The following PRIM2 variants were observed in gnomAD, a reference collection of about 807,000 sequenced individuals.
The protein encoded by PRIM2 is DNA primase subunit 2.
PRIM2 carries 39 observed loss-of-function variants against 67.3 expected under a neutral mutation model. That is an observed-to-expected ratio of 0.58 (90% confidence interval 0.45 to 0.76). PRIM2 has a LOEUF of 0.76. Among genes scored for constraint, PRIM2 ranks in the 30% least tolerant of loss-of-function variants. The pLI is 0.00. For missense variants in PRIM2, 398 were observed against 598.7 expected, an observed-to-expected ratio of 0.66 and a Z score of 3.50; for synonymous variants, 143 against 198.7, an observed-to-expected ratio of 0.72 and a Z score of 2.36.
chr6:57,323,748 A>G (rs1767739662), intron 3 of PRIM2, among the ~76,000 whole-genome samples: 4 of 151,874 alleles, frequency 2.6e-5, no homozygotes, highest in Admixed American at 2.6e-4. Context: ...AAACCTGCAC[A>G]TTCTGCACAT....
chr6:57,630,390 A>T (rs1258776723), intron 12 of PRIM2, among the ~76,000 whole-genome samples: 2 of 152,002 alleles, frequency 1.3e-5, no homozygotes, highest in East Asian at 3.8e-4. Flanking sequence ...TTTAAATTTA[A>T]TTTTTTTATG....
chr6:57,559,691 C>T, intron 10 of PRIM2, among the ~76,000 whole-genome samples: 1 of 152,062 alleles, frequency 6.6e-6, no homozygotes, highest in Non-Finnish European at 1.5e-5. Flanking sequence ...CAGACCACCA[C>T]AATAAAATTT....
At position 57,325,978 on chromosome 6, in the gene PRIM2, G is replaced by T. The variant is rs747224268; in HGVS notation, c.392G>T (p.Arg131Ile). Reference sequence around the variant, plus strand: ...CAAGAAATGGATCTCCTTCGATTTAGATTTAGTATTTTACCCAAGGATAAA... The same window carrying T: ...CAAGAAATGGATCTCCTTCGATTTATATTTAGTATTTTACCCAAGGATAAA... ...IQQEMDLLRF[R>I]FSILPKDKIQ... is the part of the protein sequence containing the mutation. The change falls in exon 5 of 14, where the codon AGA becomes ATA. Residue 131 changes from arginine (R) to isoleucine (I), a missense_variant. Coordinates refer to ENST00000615550, the MANE Select transcript of PRIM2 (RefSeq NM_000947.5). 1 of 1,612,316 alleles carries T rather than the reference G, an allele frequency of 6.2e-7. No individual in the cohort carries two copies. The highest frequency in any genetic ancestry group is 2.2e-5 in the East Asian group (1 of 44,758).
At chr6:57,332,955 AC>A (rs1316092199) in intron 5 of PRIM2, among the ~76,000 whole-genome samples, 7 of 151,846 alleles carry the variant, frequency 4.6e-5, no homozygotes, top group African/African-American at 1.7e-4. Flanking sequence ...TTTCTCCATT[AC>A]TGCCTTCTTT....
At chr6:57,438,441 G>A (rs1317249818) in intron 7 of PRIM2, among the ~76,000 whole-genome samples, 1 of 152,168 alleles carries the variant, frequency 6.6e-6, no homozygotes, top group African/African-American at 2.4e-5. Flanking sequence ...TCAATAAAGA[G>A]CTGATGGCTT....
intron 7 of PRIM2, among the ~76,000 whole-genome samples, chr6:57,400,849 A>T (rs1770682870): frequency 6.6e-6 from 1 of 152,194 alleles, no homozygotes; most frequent in Admixed American, 6.5e-5. Flanking sequence ...GTCTTATTTC[A>T]GAGAGCCAGT....
rs542471492 is a variant in PRIM2 at position 57,391,589 on chromosome 6, C to G, written c.693+9421C>G. 1.3e-3 allele frequency among the ~76,000 whole-genome samples: 190 copies of G among 151,456 alleles called. 5 individuals carry two copies. The East Asian group carries it at 0.016, about 13-fold the overall frequency. ...CTTCAATCTTCTGCATATGGCTAGC[C>G]AGTTATCCAGCACCATTTATTGAAT... On this transcript the variant is annotated intron_variant, in intron 7 of 13. Coordinates refer to ENST00000615550, the MANE Select transcript of PRIM2 (RefSeq NM_000947.5).
At chr6:57,277,106 C>A in the PRIM2 span, among the ~76,000 whole-genome samples, 2 of 152,082 alleles carry the variant, frequency 1.3e-5, no homozygotes, top group African/African-American at 2.4e-5. Context: ...AAGTTACCAT[C>A]AGAGAGACTC....
At chr6:57,226,023 G>A in the PRIM2 span, among the ~76,000 whole-genome samples, 1 of 152,028 alleles carries the variant, frequency 6.6e-6, no homozygotes, top group African/African-American at 2.4e-5. Flanking sequence ...ATAGTAAGGA[G>A]TTACCCACCT....
At chr6:57,434,776 T>C (rs1275976203) in intron 7 of PRIM2, among the ~76,000 whole-genome samples, 1 of 151,852 alleles carries the variant, frequency 6.6e-6, no homozygotes, top group Non-Finnish European at 1.5e-5. Flanking sequence ...CTCTCTTTTT[T>C]ACTTTTCTTT....
chr6:57,641,209 C>T (rs1343627447), intron 13 of PRIM2, among the ~76,000 whole-genome samples: 1 of 151,996 alleles, frequency 6.6e-6, no homozygotes, highest in African/African-American at 2.4e-5. Context: ...AAACTGGACC[C>T]CTTCCTTACA....
At chr6:57,377,478 T>G (rs1459124860) in intron 5 of PRIM2, among the ~76,000 whole-genome samples, 1 of 151,148 alleles carries the variant, frequency 6.6e-6, no homozygotes, top group African/African-American at 2.5e-5. Flanking sequence ...TCTGGAAGGG[T>G]TTTCATTTGT....
At chr6:57,290,900 A>G in the PRIM2 span, among the ~76,000 whole-genome samples, 1 of 152,218 alleles carries the variant, frequency 6.6e-6, no homozygotes, top group African/African-American at 2.4e-5. Flanking sequence ...AGAAAGCAGG[A>G]AAGATCTAAA....
the PRIM2 span, among the ~76,000 whole-genome samples, chr6:57,238,740 A>C: frequency 1.3e-5 from 2 of 152,222 alleles, no homozygotes; most frequent in Non-Finnish European, 2.9e-5. Context: ...AGATAGAGAC[A>C]CAAAAAACCC....
intron 7 of PRIM2, among the ~76,000 whole-genome samples, chr6:57,433,818 T>TAA (rs912542899): frequency 1.3e-5 from 2 of 152,118 alleles, no homozygotes; most frequent in Non-Finnish European, 2.9e-5. Context: ...TCAAATTTCC[T>TAA]AAAGCTTGAA....
At chr6:57,310,032 G>A (rs913279913), upstream of PRIM2, among the ~76,000 whole-genome samples, 26 of 151,902 alleles carry the variant, frequency 1.7e-4, no homozygotes, top group Non-Finnish European at 2.9e-4. Flanking sequence ...GAAAATTTTC[G>A]CAACCTACTC....
At chr6:57,387,709 TA>T (rs1770198411) in intron 7 of PRIM2, among the ~76,000 whole-genome samples, 1 of 151,792 alleles carries the variant, frequency 6.6e-6, no homozygotes. Context: ...GAGGGAAAGA[TA>T]GATTTTTTTT....
chr6:57,245,632 T>G, the PRIM2 span, among the ~76,000 whole-genome samples: 1 of 152,218 alleles, frequency 6.6e-6, no homozygotes, highest in Non-Finnish European at 1.5e-5. Flanking sequence ...AGATAGCATT[T>G]TGATAGTCTA....
intron 10 of PRIM2, among the ~76,000 whole-genome samples, chr6:57,580,808 GT>G (rs1776069568): frequency 1.3e-5 from 2 of 152,218 alleles, no homozygotes; most frequent in African/African-American, 2.4e-5. Flanking sequence ...GGAATAGCAT[GT>G]TTTGAACCCC....
Sources: gnomAD v4.1 joint callset for allele counts (sites outside exome capture counted in the v4.1 genomes callset) on GRCh38, gnomAD v4.1.1 for gene constraint, MANE v1.5 for transcripts, NCBI Gene and HGNC (gene_info 2026-07-23, HGNC 2026-07-21) for gene names.